MCPH1: variants seen among roughly 807,000 people sequenced by gnomAD.
MCPH1 encodes microcephalin.
In MCPH1, 104 loss-of-function variants were observed where a neutral mutation model predicts 84.5. The ratio of observed to expected loss-of-function variants is 1.23; its 90% CI spans 1.05 to 1.45. The LOEUF is 1.45. MCPH1 is among the 40% of genes most tolerant of loss of function. The probability of loss-of-function intolerance (pLI) is 0.00; values close to 1 mark genes in which losing one functional copy is unlikely to be tolerated. For synonymous variants in MCPH1, 514 were observed against 366.8 expected (o/e 1.40, Z -4.58); for missense variants, 1,498 against 1,005.7 (o/e 1.49, Z -6.62).
intron 12 of MCPH1, among the ~76,000 whole-genome samples, chr8:6,510,579 G>C (rs945773406): frequency 6.6e-6 from 1 of 152,206 alleles, no homozygotes; most frequent in Non-Finnish European, 1.5e-5. Context: ...ACCTGCAGTG[G>C]TGGCCGCCAT....
In MCPH1 at chr8:6,643,032, T is replaced by A; in HGVS notation, c.2491T>A (p.Tyr831Asn). 6.2e-7 allele frequency: 1 copy of A among 1,614,092 alleles called. No individual in the cohort carries two copies. The highest frequency in any genetic ancestry group is 1.1e-5 in the South Asian group (1 of 91,058). Residue 831 changes from tyrosine to asparagine, a missense_variant, in exon 14 of 14, where the codon TAC (tyrosine) becomes AAC (asparagine). Transcript: ENST00000344683. The part of the protein sequence containing the change: ...TQHKVCAPEN[Y>N]LLSQ ...GCACAAGGTCTGTGCCCCTGAAAAC[T>A]ACCTATTGTCACAATGACAGTGACC...
chr8:6,541,370 G>A (rs1184690889), intron 12 of MCPH1, among the ~76,000 whole-genome samples: 1 of 152,182 alleles, frequency 6.6e-6, no homozygotes, highest in Admixed American at 6.5e-5. Flanking sequence ...CGTGGAAGGG[G>A]AGCTTGTATT....
chr8:6,585,960 C>G (rs1827945440), intron 12 of MCPH1, among the ~76,000 whole-genome samples: 2 of 152,134 alleles, frequency 1.3e-5, no homozygotes, highest in African/African-American at 4.8e-5. Context: ...TGAAGCCATC[C>G]TTCTTTTATT....
intron 3 of MCPH1, among the ~76,000 whole-genome samples, chr8:6,422,620 AC>A (rs1280599222): frequency 1.3e-5 from 2 of 151,794 alleles, no homozygotes; most frequent in African/African-American, 4.8e-5. Context: ...CCCACCACTA[AC>A]CCCAGCCTTT....
chr8:6,587,185 T>TA (rs893394572), intron 12 of MCPH1, among the ~76,000 whole-genome samples: 6 of 152,138 alleles, frequency 3.9e-5, no homozygotes, highest in Non-Finnish European at 7.4e-5. Flanking sequence ...GCCGCTTTTA[T>TA]AAAAAATAAT....
At chr8:6,616,287 C>T (rs578129875) in intron 12 of MCPH1, 9 of 152,144 alleles carry the variant, frequency 5.9e-5, no homozygotes, top group Non-Finnish European at 1.3e-4. Flanking sequence ...AGCGAATGCA[C>T]TAATTGAAAT....
intron 3 of MCPH1, among the ~76,000 whole-genome samples, chr8:6,421,042 C>A (rs1160375464): frequency 1.3e-5 from 2 of 152,186 alleles, no homozygotes; most frequent in African/African-American, 4.8e-5. Context: ...TCGCCCTTTT[C>A]CGCAGTTCTT....
At chr8:6,631,714 T>G (rs1035470823) in intron 13 of MCPH1, among the ~76,000 whole-genome samples, 1 of 151,164 alleles carries the variant, frequency 6.6e-6, no homozygotes, top group African/African-American at 2.4e-5. Context: ...AATTGGAACC[T>G]TGTGTCTGCC....
At chr8:6,520,898 G>T (rs1171875150) in intron 12 of MCPH1, among the ~76,000 whole-genome samples, 7 of 152,174 alleles carry the variant, frequency 4.6e-5, no homozygotes, top group African/African-American at 1.7e-4. Flanking sequence ...CTGTGGTTTA[G>T]TAATTTGCCC....
At chr8:6,512,870 C>T (rs1055571783) in intron 12 of MCPH1, among the ~76,000 whole-genome samples, 1 of 152,192 alleles carries the variant, frequency 6.6e-6, no homozygotes, top group African/African-American at 2.4e-5. Context: ...TAGAGGAGAG[C>T]AGAGTTGACT....
intron 12 of MCPH1, among the ~76,000 whole-genome samples, chr8:6,547,289 T>TAA (rs1346228949): frequency 6.6e-6 from 1 of 152,100 alleles, no homozygotes; most frequent in African/African-American, 2.4e-5. Flanking sequence ...ATGCTTGTGG[T>TAA]AAAAGTACAG....
At chr8:6,588,594 G>C (rs1042934288) in intron 12 of MCPH1, among the ~76,000 whole-genome samples, 2 of 152,244 alleles carry the variant, frequency 1.3e-5, no homozygotes, top group African/African-American at 4.8e-5. Context: ...AACTGCCTGA[G>C]TCCATGTGAA....
chr8:6,482,357 G>C (rs192176719), intron 11 of MCPH1, among the ~76,000 whole-genome samples: 93 of 152,304 alleles, frequency 6.1e-4, no homozygotes, highest in Non-Finnish European at 1.1e-3. Context: ...TATATATATA[G>C]GGTTCAGAAC....
At chr8:6,530,340 T>C (rs1007260845) in intron 12 of MCPH1, among the ~76,000 whole-genome samples, 1 of 152,016 alleles carries the variant, frequency 6.6e-6, no homozygotes. Flanking sequence ...AAACCCTGTC[T>C]CTACTAAAAA....
intron 3 of MCPH1, among the ~76,000 whole-genome samples, chr8:6,426,277 C>A (rs143411757): frequency 3.9e-5 from 6 of 152,304 alleles, no homozygotes; most frequent in African/African-American, 1.2e-4. Context: ...TGTGTCACCA[C>A]CACAACCAAA....
At chr8:6,611,487 A>C (rs3020255) in intron 12 of MCPH1, among the ~76,000 whole-genome samples, 80 of 152,390 alleles carry the variant, frequency 5.2e-4, no homozygotes, top group African/African-American at 1.9e-3. Context: ...ATGAACAGCC[A>C]GAGAAGAGAT....
intron 13 of MCPH1, 72 bp downstream of exon 13, chr8:6,621,763 C>T (rs947457790): frequency 1.3e-6 from 2 of 1,597,522 alleles, no homozygotes; most frequent in Non-Finnish European, 1.7e-6. Context: ...AGGGCGGCGT[C>T]AGGCTCACAC....
At chr8:6,617,439 AT>A (rs1300971441) in intron 12 of MCPH1, among the ~76,000 whole-genome samples, 1 of 151,666 alleles carries the variant, frequency 6.6e-6, no homozygotes, top group Non-Finnish European at 1.5e-5. Flanking sequence ...ATCTTTTAAC[AT>A]TTTTTAGCTA....
At chr8:6,568,884 G>T (rs1015708480) in intron 12 of MCPH1, among the ~76,000 whole-genome samples, 4 of 152,182 alleles carry the variant, frequency 2.6e-5, no homozygotes, top group Non-Finnish European at 5.9e-5. Context: ...TTAATTTTTG[G>T]AAAGTGCCTT....
Sources: allele counts gnomAD v4.1 joint callset (sites outside exome capture counted in the v4.1 genomes callset), GRCh38; gene constraint gnomAD v4.1.1; transcripts MANE v1.5; gene names NCBI Gene and HGNC (gene_info 2026-07-23, HGNC 2026-07-21).